The following DACH2 variants were observed in gnomAD, a reference collection of about 807,000 sequenced individuals.
DACH2 encodes the protein dachshund family transcription factor 2.
Under a neutral mutation model 35.8 loss-of-function variants are expected in DACH2, and 17 were observed. That is an observed-to-expected ratio of 0.48 (90% CI 0.33 to 0.71). The LOEUF is 0.71. DACH2 is among the 30% of genes least tolerant of loss of function. The pLI is 0.02. For synonymous variants in DACH2, 195 were observed against 177.3 expected, an observed-to-expected ratio of 1.10 and a Z score of -0.79; for missense variants, 469 against 472.7, an observed-to-expected ratio of 0.99 and a Z score of 0.07.
intron 2 of DACH2, among the ~76,000 whole-genome samples, chrX:86,457,951 C>G (rs12835050): frequency 1.7e-3 from 190 of 111,511 alleles, no homozygotes; most frequent in Non-Finnish European, 3.1e-3. Context: ...GGAGATAGTC[C>G]CTGGGAATAT....
At chrX:86,811,724 G>A (rs908985109) in intron 7 of DACH2, among the ~76,000 whole-genome samples, 2 of 111,729 alleles carry the variant, frequency 1.8e-5, no homozygotes, top group Non-Finnish European at 3.8e-5. Context: ...CTCTGTGGCA[G>A]TTTCTTTTTA....
chrX:86,572,737 C>A (rs929510215), intron 3 of DACH2, among the ~76,000 whole-genome samples: 3 of 111,573 alleles, frequency 2.7e-5, no homozygotes, highest in African/African-American at 9.8e-5. Context: ...CTGCTTCAAA[C>A]CTCTGTTACT....
In DACH2 at chrX:86,593,397, T is replaced by A. The variant is rs1038326890; in HGVS notation, c.641-57639T>A. Among the ~76,000 whole-genome samples the A allele has an allele frequency of 1.6e-3, 151 of 95,811 alleles. 2 individuals are homozygous for A. The highest frequency in any genetic ancestry group is 5.7e-3 in the African/African-American group (137 of 24,210). The allele number at this position is 95,811 out of a possible 115,157, so 83.2% of individuals were successfully genotyped here. On this transcript the variant is annotated intron_variant, in intron 3 of 11. Coordinates refer to ENST00000373125, the MANE Select transcript of DACH2 (RefSeq NM_053281.3). The stretch of plus-strand genomic sequence containing the variant: ...TGATGTAATTCTTTCATATATATAT[T>A]TTTTTATTTTATTTTATTTTATTTT...
intron 1 of DACH2, chrX:86,160,846 C>G: frequency 4.0e-6 from 2 of 505,969 alleles, no homozygotes; most frequent in Admixed American, 5.6e-5. Flanking sequence ...TTGAGAACAC[C>G]AGTCTTCACT....
chrX:86,654,768 A>G (rs2040521598), intron 4 of DACH2, among the ~76,000 whole-genome samples: 1 of 111,359 alleles, frequency 9.0e-6, no homozygotes, highest in African/African-American at 3.3e-5. Flanking sequence ...AGATCTAATT[A>G]TCCTTATCTT....
chrX:86,174,974 A>G (rs2031255642), intron 1 of DACH2, among the ~76,000 whole-genome samples: 1 of 112,587 alleles, frequency 8.9e-6, no homozygotes, highest in African/African-American at 3.2e-5. Context: ...GTAAACCACC[A>G]TGCCCAGTGT....
intron 3 of DACH2, among the ~76,000 whole-genome samples, chrX:86,593,171 A>G (rs2039668869): frequency 1.8e-5 from 2 of 110,630 alleles, no homozygotes; most frequent in South Asian, 3.8e-4. Flanking sequence ...GATGTTCTTT[A>G]TCAAGTTGAA....
chrX:86,414,792 T>A (rs137857005), intron 2 of DACH2, among the ~76,000 whole-genome samples: 1,368 of 111,628 alleles, frequency 0.012, 62 homozygotes, highest in Admixed American at 0.12. Context: ...TAGAACCTTT[T>A]TTTTAAACTC....
At chrX:86,413,461 A>C (rs1182802467) in intron 2 of DACH2, among the ~76,000 whole-genome samples, 5 of 111,789 alleles carry the variant, frequency 4.5e-5, no homozygotes, top group Admixed American at 9.5e-5. Context: ...CTGGTACAGC[A>C]GCTACAATTG....
At chrX:86,795,646 T>A (rs1939795426) in intron 7 of DACH2, among the ~76,000 whole-genome samples, 1 of 112,493 alleles carries the variant, frequency 8.9e-6, no homozygotes, top group African/African-American at 3.2e-5. Context: ...GGGTTCTTGG[T>A]CTCTCTGACT....
chrX:86,225,773 G>A (rs1380193445), intron 1 of DACH2, among the ~76,000 whole-genome samples: 5 of 110,811 alleles, frequency 4.5e-5, no homozygotes, highest in Non-Finnish European at 9.5e-5. Context: ...ATGAAGTAGA[G>A]CAAGCAGAAT....
At chrX:86,176,475 C>T (rs2031306325) in intron 1 of DACH2, among the ~76,000 whole-genome samples, 1 of 111,023 alleles carries the variant, frequency 9.0e-6, no homozygotes, top group African/African-American at 3.3e-5. Flanking sequence ...TAATATCCTC[C>T]ACGTGTGCAT....
At chrX:86,400,747 C>G (rs985747262) in intron 2 of DACH2, among the ~76,000 whole-genome samples, 1 of 111,379 alleles carries the variant, frequency 9.0e-6, no homozygotes, top group Admixed American at 9.5e-5. Context: ...GATGTTTTGT[C>G]TCAGAGGAGT....
At chrX:86,596,251 G>A (rs978014501) in intron 3 of DACH2, among the ~76,000 whole-genome samples, 1 of 111,750 alleles carries the variant, frequency 8.9e-6, no homozygotes, top group Non-Finnish European at 1.9e-5. Context: ...CGTAAGAGTA[G>A]AAATTTTGGG....
intron 2 of DACH2, among the ~76,000 whole-genome samples, chrX:86,402,742 A>G (rs7063834): frequency 0.024 from 2,701 of 112,000 alleles, 74 homozygotes; most frequent in African/African-American, 0.083. Flanking sequence ...CTGAGCAAAA[A>G]GAACAAAACC....
chrX:86,390,221 A>T (rs745376714), intron 2 of DACH2, among the ~76,000 whole-genome samples: 1 of 112,292 alleles, frequency 8.9e-6, no homozygotes, highest in Non-Finnish European at 1.9e-5. Context: ...ATTTATTCCC[A>T]TGTAAGCACA....
intron 2 of DACH2, among the ~76,000 whole-genome samples, chrX:86,455,613 G>T (rs1376894265): frequency 1.8e-5 from 2 of 112,566 alleles, no homozygotes; most frequent in Non-Finnish European, 3.8e-5. Context: ...CCCTCCTCCA[G>T]ACCATTTGGA....
intron 1 of DACH2, among the ~76,000 whole-genome samples, chrX:86,241,950 C>T (rs769531315): frequency 5.3e-5 from 6 of 112,580 alleles, no homozygotes; most frequent in Admixed American, 9.3e-5. Flanking sequence ...TGGGAACCTC[C>T]GCCTAGATTT....
chrX:86,288,459 C>G (rs951468719), intron 1 of DACH2, among the ~76,000 whole-genome samples: 4 of 112,170 alleles, frequency 3.6e-5, no homozygotes, highest in African/African-American at 1.3e-4. Context: ...GACCTGTGTC[C>G]TTCCCTTCAG....
Sources: allele counts gnomAD v4.1 joint callset (sites outside exome capture counted in the v4.1 genomes callset), GRCh38; gene constraint gnomAD v4.1.1; transcripts MANE v1.5; gene names NCBI Gene and HGNC (gene_info 2026-07-23, HGNC 2026-07-21).